Variants in DAGLB observed in about 807,000 individuals in gnomAD.
DAGLB encodes the protein diacylglycerol lipase beta.
DAGLB carries 66 observed loss-of-function variants against 72.1 expected under a neutral mutation model. The ratio of observed to expected loss-of-function variants is 0.92; its 90% CI spans 0.75 to 1.12. DAGLB has a LOEUF of 1.12. Among genes scored for constraint, DAGLB ranks in the 50% most tolerant of loss-of-function variants. The pLI is 0.00. For missense variants in DAGLB, 1,065 were observed against 884.9 expected (o/e 1.20, Z -2.58); for synonymous variants, 414 against 359.5 (o/e 1.15, Z -1.71).
chr7:6,421,756 A>G lies in DAGLB; in HGVS notation c.1189T>C (p.Cys397Arg). The G allele has an allele frequency of 1.2e-6, 2 of 1,612,948 alleles. No individual in the cohort carries two copies. Among genetic ancestry groups the G allele is most frequent in the Non-Finnish European group, 8.5e-7 (1 of 1,179,372 alleles). ...SAESEVLDVECEVQDRLAHKG... is the reference protein window; with the variant it reads ...SAESEVLDVEREVQDRLAHKG... ...TGTGCCAGGCGGTCCTGCACCTCAC[A>G]CTCCACGTCCAGCACCTCACTCTCC... The change falls in exon 9 of 15, where the codon TGT becomes CGT. Residue 397 changes from cysteine to arginine, a missense_variant. Transcript: ENST00000297056.
chr7:6,434,168 C>T (rs1392596628), intron 4 of DAGLB, among the ~76,000 whole-genome samples: 1 of 151,938 alleles, frequency 6.6e-6, no homozygotes, highest in East Asian at 1.9e-4. Context: ...CCTCCCTTAC[C>T]TCATCTCAGT....
rs780477861 is a variant in DAGLB at position 6,435,038 on chromosome 7, G to T, written c.420-18C>A. The T allele has an allele frequency of 6.2e-7, 1 of 1,610,970 alleles. No homozygotes were observed. Among genetic ancestry groups the T allele is most frequent in the East Asian group, 2.2e-5 (1 of 44,844 alleles). On this transcript the variant is annotated intron_variant, in intron 3 of 14. Coordinates refer to ENST00000297056, the MANE Select transcript of DAGLB (RefSeq NM_139179.4). ...TGATCCAACTGCAAGACAGAGAGAGGAAAAGGCTCGGTGACTGCGGGCCCC... is the reference window on the plus strand; with the variant it reads ...TGATCCAACTGCAAGACAGAGAGAGTAAAAGGCTCGGTGACTGCGGGCCCC...
Position 6,421,776 on chromosome 7 carries a change from C to T in DAGLB, c.1169G>A (p.Ser390Asn), listed in dbSNP as rs777443208. 7 of 1,613,444 alleles carry T rather than the reference C, an allele frequency of 4.3e-6. No individual in the cohort carries two copies. The East Asian group carries it at 1.3e-4, about 31-fold the overall frequency. The change falls in exon 9 of 15, where the codon AGT becomes AAT. Residue 390 changes from serine (S) to asparagine (N), a missense_variant. Ser to Asn is a conservative substitution (Grantham distance 46). Transcript: ENST00000297056. Reference protein sequence around the residue: ...QDVLTDLSAESEVLDVECEVQ... With the variant: ...QDVLTDLSAENEVLDVECEVQ... Reference sequence around the variant, plus strand: ...CTCACACTCCACGTCCAGCACCTCACTCTCCGCTGACAGGTCCGTAAGGAC... The same window carrying T: ...CTCACACTCCACGTCCAGCACCTCATTCTCCGCTGACAGGTCCGTAAGGAC...
chr7:6,442,737 A>C (rs926868594), intron 2 of DAGLB, among the ~76,000 whole-genome samples: 2 of 152,138 alleles, frequency 1.3e-5, no homozygotes, highest in African/African-American at 2.4e-5. Flanking sequence ...CCTTGCGTGG[A>C]TGTTTCTAGA....
intron 1 of DAGLB, among the ~76,000 whole-genome samples, chr7:6,446,622 C>G (rs1021452726): frequency 6.6e-6 from 1 of 151,812 alleles, no homozygotes; most frequent in Non-Finnish European, 1.5e-5. Flanking sequence ...TCTTGAACTC[C>G]TGGCTTCAAG....
At chr7:6,440,066 A>G (rs113443019) in intron 2 of DAGLB, among the ~76,000 whole-genome samples, 59 of 106,706 alleles carry the variant, frequency 5.5e-4, no homozygotes, top group East Asian at 2.3e-3. Context: ...AAAAAAAAAA[A>G]AGAAAGAAAA....
At chr7:6,424,920 T>C in intron 7 of DAGLB, 85 bp from the exon 8 acceptor site, 1 of 1,356,354 alleles carries the variant, frequency 7.4e-7, no homozygotes, top group Non-Finnish European at 1.0e-6. Flanking sequence ...GTGTCTGCAA[T>C]GACAGCCCAA....
intron 2 of DAGLB, among the ~76,000 whole-genome samples, chr7:6,444,882 GGTGACAGA>G (rs1159088175): frequency 3.3e-5 from 5 of 152,142 alleles, no homozygotes; most frequent in Non-Finnish European, 7.3e-5. Flanking sequence ...CTCCAGCCTG[GGTGACAGA>G]GTGTGACTCC....
At position 6,409,648 on chromosome 7, in the gene DAGLB, C is replaced by A; in HGVS notation, c.*189G>T. The A allele has an allele frequency of 1.4e-6, 1 of 714,088 alleles. No homozygotes were observed. The highest frequency in any genetic ancestry group is 2.3e-6 in the Non-Finnish European group (1 of 440,766). 44.2% of individuals were successfully genotyped at this position (714,088 alleles called of 1,614,324 possible). A position where few individuals can be genotyped will look rare whatever the true frequency, so the allele number is the denominator to read the frequency against. On this transcript the variant is annotated 3_prime_UTR_variant, in exon 15 of 15. Coordinates refer to ENST00000297056, the MANE Select transcript of DAGLB (RefSeq NM_139179.4). Reference sequence around the variant, plus strand: ...TATCACCTGAGCGTGCTCACTACTTCTGCTACCATTATGGCCACAATGACT... The same window carrying A: ...TATCACCTGAGCGTGCTCACTACTTATGCTACCATTATGGCCACAATGACT...
Position 6,432,978 on chromosome 7 carries a change from T to C in DAGLB, c.679-19A>G, listed in dbSNP as rs376337216. 32 of 1,610,606 alleles carry C rather than the reference T, an allele frequency of 2.0e-5. No homozygotes were observed. In the African/African-American group the frequency reaches 3.9e-4, roughly 20 times the overall value. ...CTGTGTCCTGGGTGGGAAACCACAATGGCCTGTCATAAAACCCAGCAGGCA... is the reference window on the plus strand; with the variant it reads ...CTGTGTCCTGGGTGGGAAACCACAACGGCCTGTCATAAAACCCAGCAGGCA... On this transcript the variant is annotated intron_variant, in intron 4 of 14. Transcript: ENST00000297056.
intron 9 of DAGLB, chr7:6,417,215 T>A: frequency 3.5e-6 from 1 of 285,960 alleles, no homozygotes; most frequent in Admixed American, 5.0e-5. Context: ...GGCGACATAG[T>A]CTCTACTAAA....
intron 13 of DAGLB, among the ~76,000 whole-genome samples, chr7:6,410,811 T>C (rs1373083435): frequency 6.6e-6 from 1 of 152,090 alleles, no homozygotes; most frequent in Non-Finnish European, 1.5e-5. Context: ...TTCAAGCGAT[T>C]CTCCTACCTC....
In DAGLB at chr7:6,416,200, T is replaced by C. The variant is rs114664294; in HGVS notation, c.1427+427A>G. ...TGAGGAAATTACAGGTATGGTCACA[T>C]AGGTCTAAGAAAGGCTAGACAGACT... On this transcript the variant is annotated intron_variant, in intron 11 of 14. Coordinates refer to ENST00000297056, the MANE Select transcript of DAGLB (RefSeq NM_139179.4). 391 of 155,256 alleles carry C rather than the reference T, an allele frequency of 2.5e-3. 1 individual carries two copies. The highest frequency in any genetic ancestry group is 8.2e-3 in the African/African-American group (343 of 41,654). 9.6% of individuals were successfully genotyped at this position (155,256 alleles called of 1,614,324 possible).
intron 4 of DAGLB, 81 bp from the exon 5 acceptor site, chr7:6,433,040 T>C: frequency 1.3e-6 from 2 of 1,534,894 alleles, no homozygotes; most frequent in Non-Finnish European, 1.7e-6. Flanking sequence ...TCTTCTATAG[T>C]TGATAGGCAT....
At chr7:6,412,623 G>T in intron 13 of DAGLB, 188 bp downstream of exon 13, 1 of 661,424 alleles carries the variant, frequency 1.5e-6, no homozygotes. Context: ...TCCCGCACTT[G>T]CTGCAGCCAT....
At position 6,409,526 on chromosome 7, in the gene DAGLB, G is replaced by A. The variant is rs566223923; in HGVS notation, c.*311C>T. Reference sequence around the variant, plus strand: ...TCTTCTGGGTGGGCCCTGGATTCCCGCACTTCTGGAGCAGTCCTCAGACAG... The same window carrying A: ...TCTTCTGGGTGGGCCCTGGATTCCCACACTTCTGGAGCAGTCCTCAGACAG... On this transcript the variant is annotated 3_prime_UTR_variant, in exon 15 of 15. Coordinates refer to ENST00000297056, the MANE Select transcript of DAGLB (RefSeq NM_139179.4). The A allele has an allele frequency of 2.0e-5, 8 of 394,998 alleles. No individual in the cohort carries two copies. The highest frequency in any genetic ancestry group is 1.6e-4 in the South Asian group (5 of 31,390). The allele number at this position is 394,998 out of a possible 1,614,324, so 24.5% of individuals were successfully genotyped here. A position where few individuals can be genotyped will look rare whatever the true frequency, so the allele number is the denominator to read the frequency against.
intron 1 of DAGLB, 59 bp downstream of exon 1, chr7:6,447,689 A>AG: frequency 6.4e-7 from 1 of 1,564,682 alleles, no homozygotes; most frequent in Non-Finnish European, 8.6e-7. Flanking sequence ...CTCAAGGGAC[A>AG]GCTCGCCCCC....
chr7:6,437,164 T>A (rs201478803), intron 2 of DAGLB, among the ~76,000 whole-genome samples: 19,384 of 120,622 alleles, frequency 0.16, 2,086 homozygotes, highest in East Asian at 0.47. Context: ...AAAATAATAA[T>A]AATAATAATA....
In DAGLB at chr7:6,430,081, T is replaced by C. The variant is rs1378210000; in HGVS notation, c.929+399A>G. Among the ~76,000 whole-genome samples the C allele has an allele frequency of 3.3e-5, 5 of 151,206 alleles. No individual in the cohort carries two copies. The South Asian group carries it at 1.0e-3, about 32-fold the overall frequency. ...TTAGCCGGGCATGGTGGCGGGCACC[T>C]GTAATTCCAACTACTCAGGAGGCTG... On this transcript the variant is annotated intron_variant, in intron 6 of 14. Coordinates refer to ENST00000297056, the MANE Select transcript of DAGLB (RefSeq NM_139179.4).
Sources: allele counts gnomAD v4.1 joint callset (sites outside exome capture counted in the v4.1 genomes callset), GRCh38; gene constraint gnomAD v4.1.1; transcripts MANE v1.5; gene names NCBI Gene and HGNC (gene_info 2026-07-23, HGNC 2026-07-21).